DIP2A: variants seen among roughly 807,000 people sequenced by gnomAD.
DIP2A encodes the protein disco-interacting protein 2 homolog A.
Under a neutral mutation model 177.4 loss-of-function variants are expected in DIP2A, and 85 were observed. The observed-to-expected ratio is 0.48, with a 90% CI of 0.40 to 0.57. The LOEUF is 0.57. DIP2A is among the 20% of genes least tolerant of loss of function. DIP2A has a pLI of 0.00. For synonymous variants in DIP2A, 886 were observed against 881.8 expected (o/e 1.00, Z -0.08); for missense variants, 1,791 against 2,100.2 (o/e 0.85, Z 2.88).
intron 3 of DIP2A, among the ~76,000 whole-genome samples, chr21:46,492,156 T>C (rs2057049801): frequency 1.3e-5 from 2 of 152,228 alleles, no homozygotes; most frequent in Admixed American, 1.3e-4. Flanking sequence ...TCTTTTTTTT[T>C]AGTTAATTTT....
At chr21:46,459,365 T>G in intron 1 of DIP2A, 143 bp downstream of exon 1, 1 of 515,092 alleles carries the variant, frequency 1.9e-6, no homozygotes, top group Admixed American at 7.6e-5. Flanking sequence ...GCCTCGCCCC[T>G]GGGACCTCTG....
At chr21:46,559,640 C>G (rs1040695983) in intron 32 of DIP2A, among the ~76,000 whole-genome samples, 2 of 152,228 alleles carry the variant, frequency 1.3e-5, no homozygotes, top group African/African-American at 4.8e-5. Flanking sequence ...CCTTGCTAGA[C>G]GTCGGAAGGG....
chr21:46,549,655 G>C, intron 21 of DIP2A, 116 bp from the exon 22 acceptor site: 1 of 1,521,314 alleles, frequency 6.6e-7, no homozygotes, highest in South Asian at 1.3e-5. Context: ...AGCCCCATTT[G>C]ATAGACTGCA....
intron 32 of DIP2A, chr21:46,559,109 A>C (rs1226307578): frequency 6.6e-6 from 1 of 151,422 alleles, no homozygotes; most frequent in Non-Finnish European, 1.5e-5. Context: ...AAAAAAAAAA[A>C]AAAAAAAAAA....
intron 1 of DIP2A, among the ~76,000 whole-genome samples, chr21:46,468,170 G>A (rs1193427430): frequency 6.6e-6 from 1 of 150,636 alleles, no homozygotes; most frequent in Non-Finnish European, 1.5e-5. Context: ...GGAGACTGAG[G>A]CAGGAGAATC....
In DIP2A at chr21:46,467,381, T is replaced by C. The variant is rs1441532567; in HGVS notation, c.91+8159T>C. Among the ~76,000 whole-genome samples the C allele has an allele frequency of 2.6e-5, 4 of 152,164 alleles. No individual in the cohort carries two copies. The East Asian group carries it at 7.7e-4, about 29-fold the overall frequency. On this transcript the variant is annotated intron_variant, in intron 1 of 37. Transcript: ENST00000417564. ...TTTGTTTGTTTGTTTGTTTGTTTGT[T>C]TTTTAAGATAGTGTCTCGCTCTGTT... is the stretch of plus-strand genomic sequence containing the variant.
the DIP2A span, among the ~76,000 whole-genome samples, chr21:46,575,528 C>G: frequency 6.6e-6 from 1 of 151,700 alleles, no homozygotes; most frequent in Non-Finnish European, 1.5e-5. Flanking sequence ...AAAGATTCCA[C>G]AAAAAAAAGT....
At chr21:46,565,326 C>T (rs529817393) in intron 35 of DIP2A, among the ~76,000 whole-genome samples, 4 of 152,310 alleles carry the variant, frequency 2.6e-5, no homozygotes, top group Admixed American at 1.3e-4. Flanking sequence ...AGCAGCTGCA[C>T]GCTCTCCACT....
rs1029493715 is a variant in DIP2A at position 46,537,091 on chromosome 21, G to A, written c.1643-133G>A. 2 of 820,144 alleles carry A rather than the reference G, an allele frequency of 2.4e-6. No individual in the cohort carries two copies. The highest frequency in any genetic ancestry group is 4.3e-6 in the Non-Finnish European group (2 of 469,152). The allele number at this position is 820,144 out of a possible 1,614,324, so 50.8% of individuals were successfully genotyped here. On this transcript the variant is annotated intron_variant, in intron 13 of 37. Coordinates refer to ENST00000417564, the MANE Select transcript of DIP2A (RefSeq NM_015151.4). The surrounding 1 kb of genome is among the most constrained non-coding windows in gnomAD (Gnocchi z 4.1). ...CAGGATTATTATTAATTGGTATGTG[G>A]TATTTGGAAATGCTGTATCTGTTCC...
Position 46,540,074 on chromosome 21 carries a change from G to A in DIP2A, c.2036+83G>A, listed in dbSNP as rs1943439457. Reference sequence around the variant, plus strand: ...TGAGTTATCCTGGAGCTGTGCCTGTGCCTGTTAGGATCCAGGCCCATTTGT... The same window carrying A: ...TGAGTTATCCTGGAGCTGTGCCTGTACCTGTTAGGATCCAGGCCCATTTGT... On this transcript the variant is annotated intron_variant, in intron 17 of 37. Transcript: ENST00000417564. The A allele has an allele frequency of 2.5e-6, 3 of 1,214,808 alleles. No homozygotes were observed. In the Admixed American group the frequency reaches 5.3e-5, roughly 21 times the overall value. 75.3% of individuals were successfully genotyped at this position (1,214,808 alleles called of 1,614,324 possible).
intron 8 of DIP2A, among the ~76,000 whole-genome samples, chr21:46,520,236 G>C (rs1310669285): frequency 6.6e-6 from 1 of 152,090 alleles, no homozygotes; most frequent in Non-Finnish European, 1.5e-5. Context: ...ATTGTTAAAA[G>C]CTGTAAATAG....
Position 46,459,117 on chromosome 21 carries a change from C to T in DIP2A, c.-15C>T. The T allele has an allele frequency of 6.7e-7, 1 of 1,482,144 alleles. No individual in the cohort carries two copies. Among genetic ancestry groups the T allele is most frequent in the Non-Finnish European group, 8.9e-7 (1 of 1,119,218 alleles). The allele number at this position is 1,482,144 out of a possible 1,614,324, so 91.8% of individuals were successfully genotyped here. On this transcript the variant is annotated 5_prime_UTR_variant, in exon 1 of 38. Transcript: ENST00000417564. ...TCCGGTTCCAGCCTCTGCCCGGACG[C>T]TAGCCGGCCTGGCCATGGCTGACCG...
At chr21:46,503,128 G>A (rs2057747068) in intron 5 of DIP2A, among the ~76,000 whole-genome samples, 1 of 152,106 alleles carries the variant, frequency 6.6e-6, no homozygotes, top group South Asian at 2.1e-4. Context: ...TTCAAGACCA[G>A]CTTGGCCAAT....
At chr21:46,477,271 G>A (rs529235113) in intron 1 of DIP2A, among the ~76,000 whole-genome samples, 7 of 152,064 alleles carry the variant, frequency 4.6e-5, no homozygotes, top group Non-Finnish European at 5.9e-5. Flanking sequence ...TTATCCAGGC[G>A]TGGTGGCTCA....
In DIP2A at chr21:46,557,877, C is replaced by T. The variant is rs1932857991; in HGVS notation, c.3798+124C>T. The T allele has an allele frequency of 1.6e-6, 2 of 1,241,084 alleles. No individual in the cohort carries two copies. Among genetic ancestry groups the T allele is most frequent in the South Asian group, 3.0e-5 (2 of 65,632 alleles). The allele number at this position is 1,241,084 out of a possible 1,614,324, so 76.9% of individuals were successfully genotyped here. Reference sequence around the variant, plus strand: ...GCAGTTGGAGGAAGTAGAGAAAACCCTTTCCCACTAGGGGCCCTATGTACA... The same window carrying T: ...GCAGTTGGAGGAAGTAGAGAAAACCTTTTCCCACTAGGGGCCCTATGTACA... On this transcript the variant is annotated intron_variant, in intron 31 of 37. Transcript: ENST00000417564. This position sits in a 1 kb window ranked among gnomAD's most constrained non-coding sequence, Gnocchi z 6.0.
At chr21:46,464,829 T>TTTTTTTTTTTTC (rs2054662518) in intron 1 of DIP2A, among the ~76,000 whole-genome samples, 2 of 129,172 alleles carry the variant, frequency 1.5e-5, no homozygotes, top group South Asian at 4.9e-4. Context: ...TTTTTTTTTT[T>TTTTTTTTTTTTC]TTTTTTTTTT....
the DIP2A span, among the ~76,000 whole-genome samples, chr21:46,583,534 G>T: frequency 5.3e-5 from 8 of 152,266 alleles, no homozygotes; most frequent in African/African-American, 1.9e-4. Flanking sequence ...ATGAAATTAG[G>T]AATTGATATA....
chr21:46,538,723 T>A (rs2059676798), intron 16 of DIP2A, 121 bp downstream of exon 16: 1 of 1,356,828 alleles, frequency 7.4e-7, no homozygotes, highest in Non-Finnish European at 9.9e-7. Flanking sequence ...TAGATACACA[T>A]GTCCCATCGT....
At chr21:46,528,978 A>G in intron 8 of DIP2A, 114 bp from the exon 9 acceptor site, 1 of 579,372 alleles carries the variant, frequency 1.7e-6, no homozygotes, top group South Asian at 2.5e-5. Flanking sequence ...GAAACTACCT[A>G]AATTTCCACT....
Sources: allele counts gnomAD v4.1 joint callset (sites outside exome capture counted in the v4.1 genomes callset), GRCh38; gene constraint gnomAD v4.1.1; non-coding constraint Gnocchi (gnomAD v3.1); transcripts MANE v1.5; gene names NCBI Gene and HGNC (gene_info 2026-07-23, HGNC 2026-07-21).